The following TTC39C variants were observed in gnomAD, a reference collection of about 807,000 sequenced individuals.
TTC39C encodes tetratricopeptide repeat domain 39C, also known as tetratricopeptide repeat protein 39C.
In TTC39C, 33 loss-of-function variants were observed where a neutral mutation model predicts 76.3. The observed-to-expected ratio is 0.43, with a 90% CI of 0.33 to 0.58. The LOEUF (loss-of-function observed/expected upper bound fraction) is 0.58, where lower values mean the gene tolerates loss of function less well. Ranked by LOEUF, TTC39C falls within the 20% of genes least tolerant of loss-of-function variation. The pLI, the probability that TTC39C is intolerant of heterozygous loss-of-function variation, is 0.04. For synonymous variants in TTC39C, 254 were observed against 260.6 expected (o/e 0.97, Z 0.24); for missense variants, 595 against 701.4 (o/e 0.85, Z 1.71).
chr18:24,096,216 C>A (rs947791346), intron 6 of TTC39C, among the ~76,000 whole-genome samples: 1 of 152,082 alleles, frequency 6.6e-6, no homozygotes, highest in Non-Finnish European at 1.5e-5. Context: ...TTATTCATGG[C>A]AGGGTTGCCA....
At chr18:24,015,323 C>A in intron 1 of TTC39C, 1 of 305,018 alleles carries the variant, frequency 3.3e-6, no homozygotes, top group South Asian at 9.7e-5. Context: ...GCCTCGCCCT[C>A]CCACAGACGT....
rs1181109599 is a variant in TTC39C, at chr18:24,043,804, G to T, written c.168-20336G>T. ...GGTTTGCCACCAGGGCAGTTCTTGGGATGGAGAAAATCTCAGGGATATGGT... is the reference window on the plus strand; with the variant it reads ...GGTTTGCCACCAGGGCAGTTCTTGGTATGGAGAAAATCTCAGGGATATGGT... On this transcript the variant is annotated intron_variant, in intron 1 of 13. Coordinates refer to ENST00000317571, the MANE Select transcript of TTC39C (RefSeq NM_001135993.2). 7.9e-5 allele frequency among the ~76,000 whole-genome samples: 12 copies of T among 152,246 alleles called. 1 individual carries two copies. The South Asian group carries it at 2.5e-3, about 31-fold the overall frequency.
chr18:24,048,011 A>G, intron 1 of TTC39C, among the ~76,000 whole-genome samples: 1 of 152,202 alleles, frequency 6.6e-6, no homozygotes. Flanking sequence ...AGCCATGTTT[A>G]TTTTATACAT....
At chr18:24,113,456 G>T in intron 6 of TTC39C, 1 of 628,262 alleles carries the variant, frequency 1.6e-6, no homozygotes, top group Non-Finnish European at 2.9e-6. Context: ...TGGCTGTGGG[G>T]ATAATGGGCA....
chr18:24,065,225 C>T (rs1180292888), intron 2 of TTC39C, among the ~76,000 whole-genome samples: 1 of 152,166 alleles, frequency 6.6e-6, no homozygotes, highest in Non-Finnish European at 1.5e-5. Context: ...TAGAGCCATA[C>T]TGAGGAAGCC....
chr18:24,050,841 T>A (rs1261834426), intron 1 of TTC39C, among the ~76,000 whole-genome samples: 1 of 147,174 alleles, frequency 6.8e-6, no homozygotes, highest in Non-Finnish European at 1.5e-5. Context: ...CATTGCACTC[T>A]AGCCTGGGCA....
At chr18:24,074,566 G>T (rs140481300) in intron 4 of TTC39C, among the ~76,000 whole-genome samples, 1 of 152,158 alleles carries the variant, frequency 6.6e-6, no homozygotes, top group Non-Finnish European at 1.5e-5. Context: ...ATCATCACCG[G>T]CCATCAGAGA....
chr18:24,048,010 T>G (rs1479307580), intron 1 of TTC39C, among the ~76,000 whole-genome samples: 1 of 152,236 alleles, frequency 6.6e-6, no homozygotes, highest in Non-Finnish European at 1.5e-5. Context: ...TAGCCATGTT[T>G]ATTTTATACA....
At chr18:24,113,877 A>C in intron 6 of TTC39C, 1 of 562,464 alleles carries the variant, frequency 1.8e-6, no homozygotes. Flanking sequence ...GTGTTATGTG[A>C]ATGAAAGTGT....
intron 4 of TTC39C, among the ~76,000 whole-genome samples, chr18:24,078,397 T>A (rs2084334133): frequency 6.6e-6 from 1 of 152,274 alleles, no homozygotes; most frequent in African/African-American, 2.4e-5. Flanking sequence ...TTTTTAGCTA[T>A]GACTTCTTAC....
chr18:24,005,710 T>C (rs1012958055), intron 1 of TTC39C, among the ~76,000 whole-genome samples: 1 of 151,314 alleles, frequency 6.6e-6, no homozygotes. Context: ...AAATAAAAAT[T>C]AGCTGCAGTG....
At chr18:24,107,455 T>C (rs2084758644) in intron 6 of TTC39C, among the ~76,000 whole-genome samples, 1 of 152,194 alleles carries the variant, frequency 6.6e-6, no homozygotes, top group African/African-American at 2.4e-5. Context: ...CCATGTGTCA[T>C]GGGAGGGGCC....
intron 12 of TTC39C, among the ~76,000 whole-genome samples, chr18:24,130,644 T>A (rs1260259182): frequency 6.6e-6 from 1 of 152,108 alleles, no homozygotes; most frequent in East Asian, 1.9e-4. Context: ...GTCATACATC[T>A]CTTAATGACA....
chr18:24,029,866 G>T (rs1248472481), intron 1 of TTC39C, among the ~76,000 whole-genome samples: 1 of 152,160 alleles, frequency 6.6e-6, no homozygotes, highest in Non-Finnish European at 1.5e-5. Flanking sequence ...GTAGTTCATG[G>T]TATATTTATA....
Position 24,118,029 on chromosome 18 carries a change from A to G in TTC39C, c.1079-96A>G, listed in dbSNP as rs1340708602. 9.0e-6 allele frequency: 8 copies of G among 890,972 alleles called. No homozygotes were observed. The East Asian group carries it at 2.2e-4, about 24-fold the overall frequency. The allele number at this position is 890,972 out of a possible 1,614,324, so 55.2% of individuals were successfully genotyped here. ...TTTTTACGCATTTCATAGAACATGCACAGAGAATGATCGCCATATCAGAGG... is the reference window on the plus strand; with the variant it reads ...TTTTTACGCATTTCATAGAACATGCGCAGAGAATGATCGCCATATCAGAGG... On this transcript the variant is annotated intron_variant, in intron 7 of 13. Transcript: ENST00000317571.
intron 1 of TTC39C, among the ~76,000 whole-genome samples, chr18:24,031,269 G>GTCTTTTACCA (rs149396059): frequency 6.2e-5 from 2 of 32,032 alleles, no homozygotes; most frequent in African/African-American, 9.5e-5. Context: ...CCGAGGATAA[G>GTCTTTTACCA]TCTTTTACCA....
At chr18:24,123,385 T>TTTTTTTTG (rs1555778342) in intron 8 of TTC39C, among the ~76,000 whole-genome samples, 2 of 139,070 alleles carry the variant, frequency 1.4e-5, no homozygotes, top group African/African-American at 6.4e-5. Context: ...ACAGTCTTTT[T>TTTTTTTTG]TTTGTTTGTT....
intron 7 of TTC39C, 165 bp downstream of exon 7, chr18:24,114,812 C>T (rs1313440120): frequency 1.8e-6 from 1 of 547,282 alleles, no homozygotes; most frequent in Non-Finnish European, 3.3e-6. Flanking sequence ...CTCTCTGATT[C>T]TCATTACGTT....
rs763194301 is a variant in TTC39C at position 24,080,676 on chromosome 18, G to A, written c.552G>A (p.Gln184=). ...LDINALQELY[Q]KKLTEESLTS... ...TCAATGCCCTTCAGGAGCTGTATCA[G>A]AAGAAGCTAACTGAAGAGTCCTTGA... is the stretch of plus-strand genomic sequence containing the variant. The change falls in exon 5 of 14, where the codon CAG becomes CAA. Residue 184 remains glutamine (Q), a synonymous_variant. Coordinates refer to ENST00000317571, the MANE Select transcript of TTC39C (RefSeq NM_001135993.2). 23 of 1,614,030 alleles carry A rather than the reference G, an allele frequency of 1.4e-5. No individual in the cohort carries two copies. Among genetic ancestry groups the A allele is most frequent in the Non-Finnish European group, 1.9e-5 (22 of 1,180,008 alleles).
Sources: gnomAD v4.1 joint callset for allele counts (sites outside exome capture counted in the v4.1 genomes callset) on GRCh38, gnomAD v4.1.1 for gene constraint, MANE v1.5 for transcripts, NCBI Gene and HGNC (gene_info 2026-07-23, HGNC 2026-07-21) for gene names.